Variants in DISC1 observed in about 807,000 individuals in gnomAD.
The protein encoded by DISC1 is DISC1 scaffold protein, also known as disrupted in schizophrenia 1 protein.
Under a neutral mutation model 84.5 loss-of-function variants are expected in DISC1, and 57 were observed. The observed-to-expected ratio is 0.67, with a 90% CI of 0.55 to 0.84. The LOEUF is 0.84. Among genes scored for constraint, DISC1 ranks in the 40% least tolerant of loss-of-function variants. The pLI, the probability that DISC1 is intolerant of heterozygous loss-of-function variation, is 0.00. For missense variants in DISC1, 1,000 were observed against 1,057.8 expected (o/e 0.95, Z 0.76); for synonymous variants, 411 against 415.2 (o/e 0.99, Z 0.12).
At chr1:231,915,883 G>A (rs2089588813) in intron 9 of DISC1, among the ~76,000 whole-genome samples, 1 of 152,220 alleles carries the variant, frequency 6.6e-6, no homozygotes, top group African/African-American at 2.4e-5. Context: ...TCAGTCCTCT[G>A]CTCAGCCTTC....
chr1:231,781,528 A>G (rs1360484196), intron 6 of DISC1, among the ~76,000 whole-genome samples: 1 of 152,202 alleles, frequency 6.6e-6, no homozygotes, highest in Non-Finnish European at 1.5e-5. Flanking sequence ...GCTAGTTCTA[A>G]TATTGCAGCT....
At position 231,818,361 on chromosome 1, in the gene DISC1, G is replaced by A. The variant is rs150138912; in HGVS notation, c.1825G>A (p.Glu609Lys). 46 of 1,614,030 alleles carry A rather than the reference G, an allele frequency of 2.9e-5. No homozygotes were observed. The African/African-American group carries it at 4.3e-4, about 15-fold the overall frequency. The change falls in exon 9 of 13, where the codon GAG becomes AAG. Residue 609 changes from glutamate to lysine, a missense_variant. Transcript: ENST00000439617. ...NHFWTAKDLTEEIRSLTSERE... is the reference protein window; with the variant it reads ...NHFWTAKDLTKEIRSLTSERE... ...TTTCTGGACGGCTAAAGACCTCACC[G>A]AGGAGATTAGATCATTAACATCAGA... is the stretch of plus-strand genomic sequence containing the variant.
At chr1:231,916,220 C>A (rs1035455740) in intron 9 of DISC1, among the ~76,000 whole-genome samples, 1 of 152,176 alleles carries the variant, frequency 6.6e-6, no homozygotes, top group Non-Finnish European at 1.5e-5. Flanking sequence ...GGCATTCTTA[C>A]TTTTTAGGTC....
At chr1:231,688,136 G>C in intron 1 of DISC1, among the ~76,000 whole-genome samples, 1 of 152,164 alleles carries the variant, frequency 6.6e-6, no homozygotes, top group East Asian at 1.9e-4. Context: ...TGGGAATAAA[G>C]AGAGAAGAGT....
intron 1 of DISC1, among the ~76,000 whole-genome samples, chr1:231,639,129 G>C (rs2059419474): frequency 6.6e-6 from 1 of 152,164 alleles, no homozygotes; most frequent in South Asian, 2.1e-4. Context: ...TTAGGTAACG[G>C]TTGGGTTAGA....
intron 10 of DISC1, among the ~76,000 whole-genome samples, chr1:231,988,151 A>C (rs571005250): frequency 1.3e-5 from 2 of 152,076 alleles, no homozygotes; most frequent in Non-Finnish European, 2.9e-5. Context: ...GCGCCACTGC[A>C]CTCCAGCCTG....
At chr1:231,743,668 G>A (rs189420650) in intron 3 of DISC1, among the ~76,000 whole-genome samples, 7 of 152,328 alleles carry the variant, frequency 4.6e-5, no homozygotes, top group East Asian at 1.9e-4. Flanking sequence ...ACTCTACTGC[G>A]TATTTTAAGT....
chr1:231,835,037 AG>A (rs1288488989), intron 9 of DISC1, among the ~76,000 whole-genome samples: 1 of 152,224 alleles, frequency 6.6e-6, no homozygotes, highest in Non-Finnish European at 1.5e-5. Flanking sequence ...CAAGATTGAA[AG>A]GAAAAAGAGG....
intron 9 of DISC1, among the ~76,000 whole-genome samples, chr1:231,821,893 G>T (rs993162932): frequency 6.6e-6 from 1 of 151,918 alleles, no homozygotes; most frequent in African/African-American, 2.4e-5. Flanking sequence ...TAGTGACGGG[G>T]TTTCACCATG....
Position 231,995,344 on chromosome 1 carries a change from TTTA to T in DISC1, c.2043-13430_2043-13428del, listed in dbSNP as rs543530625. 8.8e-4 allele frequency among the ~76,000 whole-genome samples: 133 copies of T among 151,910 alleles called. 1 individual carries two copies. Among genetic ancestry groups the T allele is most frequent in the Admixed American group, 4.1e-3 (63 of 15,264 alleles). ...TTTTTTCTTTTTTTATTTATTTTATTTTATTATTATTATACTTTAAGTTTTAGG... is the reference window on the plus strand; with the variant it reads ...TTTTTTCTTTTTTTATTTATTTTATTTTATTATTATACTTTAAGTTTTAGG... On this transcript the variant is annotated intron_variant, in intron 10 of 12. Transcript: ENST00000439617.
chr1:231,838,056 C>CTAT (rs2082750529), intron 9 of DISC1, among the ~76,000 whole-genome samples: 1 of 152,084 alleles, frequency 6.6e-6, no homozygotes, highest in Admixed American at 6.5e-5. Flanking sequence ...GATAAAAAGT[C>CTAT]CTGGATTCAT....
intron 12 of DISC1, among the ~76,000 whole-genome samples, chr1:232,030,368 C>G (rs1202203996): frequency 6.6e-6 from 1 of 152,228 alleles, no homozygotes; most frequent in East Asian, 1.9e-4. Context: ...TCAATTTCTA[C>G]AACACACTTT....
chr1:232,033,788 T>C (rs1670270364), intron 12 of DISC1, among the ~76,000 whole-genome samples: 1 of 152,228 alleles, frequency 6.6e-6, no homozygotes, highest in African/African-American at 2.4e-5. Flanking sequence ...TATAAACATA[T>C]TGATTTAAAT....
chr1:231,932,806 G>A (rs1347346873), intron 9 of DISC1, among the ~76,000 whole-genome samples: 3 of 152,136 alleles, frequency 2.0e-5, no homozygotes, highest in Admixed American at 6.6e-5. Flanking sequence ...TGTAGTAGAT[G>A]CATTGACTAT....
chr1:231,724,155 C>T, intron 3 of DISC1: 1 of 482,012 alleles, frequency 2.1e-6, no homozygotes, highest in Non-Finnish European at 2.7e-6. Flanking sequence ...TTTGCATGCT[C>T]AATTGTCATA....
At chr1:231,714,750 C>G (rs2068455437) in intron 3 of DISC1, among the ~76,000 whole-genome samples, 2 of 149,778 alleles carry the variant, frequency 1.3e-5, no homozygotes, top group Non-Finnish European at 1.5e-5. Flanking sequence ...GAGAGAGAGA[C>G]AGAAGGAGAT....
At chr1:231,871,759 C>T (rs1355319034) in intron 9 of DISC1, among the ~76,000 whole-genome samples, 3 of 152,126 alleles carry the variant, frequency 2.0e-5, no homozygotes. Context: ...CTTTGGGGTG[C>T]ATGCGTGTGG....
rs867517652 is a variant in DISC1 at position 231,935,586 on chromosome 1, T to C, written c.1982-23242T>C. Among the ~76,000 whole-genome samples, 21 of 152,280 alleles carry C rather than the reference T, an allele frequency of 1.4e-4. No individual in the cohort carries two copies. The South Asian group carries it at 1.5e-3, about 11-fold the overall frequency. ...CAATTGCATCCTTATGTAATCCTGGTGTTAAGGGGTGGGCTTAAAAAGCCA... is the reference window on the plus strand; with the variant it reads ...CAATTGCATCCTTATGTAATCCTGGCGTTAAGGGGTGGGCTTAAAAAGCCA... On this transcript the variant is annotated intron_variant, in intron 9 of 12. Coordinates refer to ENST00000439617, the MANE Select transcript of DISC1 (RefSeq NM_018662.3).
chr1:231,914,179 T>C (rs2089456062), intron 9 of DISC1, among the ~76,000 whole-genome samples: 1 of 152,136 alleles, frequency 6.6e-6, no homozygotes, highest in Non-Finnish European at 1.5e-5. Context: ...ACATTACATC[T>C]GTGTTCCAGG....
Sources: gnomAD v4.1 joint callset for allele counts (sites outside exome capture counted in the v4.1 genomes callset) on GRCh38, gnomAD v4.1.1 for gene constraint, MANE v1.5 for transcripts, NCBI Gene and HGNC (gene_info 2026-07-23, HGNC 2026-07-21) for gene names.